The following MYH14 variants were observed in gnomAD, a reference collection of about 807,000 sequenced individuals.
MYH14 encodes myosin-14.
MYH14 carries 123 observed loss-of-function variants against 255.5 expected under a neutral mutation model. The observed-to-expected ratio is 0.48, with a 90% CI of 0.42 to 0.56. The LOEUF (loss-of-function observed/expected upper bound fraction) is 0.56, where lower values mean the gene tolerates loss of function less well. Ranked by LOEUF, MYH14 falls within the 20% of genes least tolerant of loss-of-function variation. The pLI is 0.00. For synonymous variants in MYH14, 1,095 were observed against 1,161.2 expected, an observed-to-expected ratio of 0.94 and a Z score of 1.16; for missense variants, 2,423 against 2,802.3, an observed-to-expected ratio of 0.86 and a Z score of 3.06.
At position 50,280,178 on chromosome 19, in the gene MYH14, C is replaced by G; in HGVS notation, c.4137+37C>G. 1 of 1,561,260 alleles carries G rather than the reference C, an allele frequency of 6.4e-7. No homozygotes were observed. Among genetic ancestry groups the G allele is most frequent in the Non-Finnish European group, 8.7e-7 (1 of 1,153,516 alleles). ...TGCCCTTCGGCTCCACCGTCACCCT[C>G]CCCTCCTTGTCCTCCCAGCCACACC... On this transcript the variant is annotated intron_variant, in intron 31 of 42. Coordinates refer to ENST00000642316, the MANE Select transcript of MYH14 (RefSeq NM_001145809.2). This position sits in a 1 kb window ranked among gnomAD's most constrained non-coding sequence, Gnocchi z 4.8.
chr19:50,278,243 G>T lies in MYH14; in HGVS notation c.3986G>T (p.Gly1329Val), dbSNP rs1233074390. 1.3e-6 allele frequency: 2 copies of T among 1,595,270 alleles called. No homozygotes were observed. The highest frequency in any genetic ancestry group is 2.7e-5 in the African/African-American group (2 of 74,566). The change falls in exon 30 of 43, where the codon GGG becomes GTG. Residue 1329 changes from glycine (G) to valine (V), a missense_variant. By Grantham distance (109) the Gly-to-Val change is moderately radical. Transcript: ENST00000642316. ...LQEVQGRAGD[G>V]ERARAEAAEK... ...GAGGTGCAGGGCCGGGCTGGTGATG[G>T]GGAGAGGGCACGAGCGGAGGCTGCT...
At chr19:50,210,845 C>A in intron 2 of MYH14, 75 bp downstream of exon 2, 1 of 1,519,198 alleles carries the variant, frequency 6.6e-7, no homozygotes. Context: ...CCACCCGGCT[C>A]CCCTGCATTA....
intron 10 of MYH14, among the ~76,000 whole-genome samples, chr19:50,233,162 C>T (rs2033490155): frequency 1.3e-5 from 2 of 151,668 alleles, no homozygotes; most frequent in South Asian, 4.2e-4. Flanking sequence ...GGGTGCTGTG[C>T]CCACCCCCAC....
chr19:50,303,849 T>A (rs2036571964), intron 40 of MYH14, among the ~76,000 whole-genome samples: 1 of 152,184 alleles, frequency 6.6e-6, no homozygotes, highest in Non-Finnish European at 1.5e-5. Context: ...AGTTTCCATC[T>A]CCAGTTGCTG....
intron 39 of MYH14, among the ~76,000 whole-genome samples, chr19:50,298,787 A>G (rs1010580451): frequency 2.6e-5 from 4 of 152,128 alleles, no homozygotes; most frequent in African/African-American, 7.2e-5. Flanking sequence ...AAAATTCACA[A>G]ATAAGACAGA....
At position 50,281,849 on chromosome 19, in the gene MYH14, C is replaced by T. The variant is rs780954534; in HGVS notation, c.4539+7C>T. On this transcript the variant is annotated splice_region_variant and intron_variant, in intron 33 of 42. Coordinates refer to ENST00000642316, the MANE Select transcript of MYH14 (RefSeq NM_001145809.2). ...GCAGCGCAAGTTTGACCAGGTGGGGCACCTCAGTTCACCCAGCCGGGGAAT... is the reference window on the plus strand; with the variant it reads ...GCAGCGCAAGTTTGACCAGGTGGGGTACCTCAGTTCACCCAGCCGGGGAAT... 1 of 1,605,868 alleles carries T rather than the reference C, an allele frequency of 6.2e-7. No homozygotes were observed.
At chr19:50,251,515 ACACAC>A (rs1489698788) in intron 15 of MYH14, among the ~76,000 whole-genome samples, 1 of 21,404 alleles carries the variant, frequency 4.7e-5, no homozygotes, top group African/African-American at 9.8e-5. Flanking sequence ...ATATATATAT[ACACAC>A]TACACACACA....
At chr19:50,213,278 C>T (rs114768401) in intron 2 of MYH14, among the ~76,000 whole-genome samples, 3,167 of 152,224 alleles carry the variant, frequency 0.021, 38 homozygotes, top group Non-Finnish European at 0.024. Flanking sequence ...ATACTCTGAG[C>T]GCTCCCAGCA....
intron 39 of MYH14, among the ~76,000 whole-genome samples, chr19:50,297,897 A>T (rs985198595): frequency 6.6e-6 from 1 of 151,872 alleles, no homozygotes; most frequent in Non-Finnish European, 1.5e-5. Flanking sequence ...CAAAGATCCT[A>T]TTTCCAACTA....
At chr19:50,213,540 A>G (rs981998450) in intron 2 of MYH14, among the ~76,000 whole-genome samples, 3 of 152,174 alleles carry the variant, frequency 2.0e-5, no homozygotes, top group African/African-American at 7.2e-5. Flanking sequence ...GGGGCCTAAG[A>G]AATGAATGTG....
intron 29 of MYH14, among the ~76,000 whole-genome samples, chr19:50,277,242 T>C (rs1410912188): frequency 1.3e-5 from 2 of 151,970 alleles, no homozygotes; most frequent in Non-Finnish European, 2.9e-5. Context: ...GAAAAAGGGA[T>C]CAGAATTCTA....
chr19:50,291,190 T>C, intron 36 of MYH14, 142 bp downstream of exon 36: 1 of 614,548 alleles, frequency 1.6e-6, no homozygotes. Flanking sequence ...TTTATAAACA[T>C]CCATGCCCCA....
chr19:50,222,041 A>G (rs1352823082), intron 3 of MYH14, among the ~76,000 whole-genome samples: 1 of 151,980 alleles, frequency 6.6e-6, no homozygotes, highest in Non-Finnish European at 1.5e-5. Context: ...TGTCCTGGTC[A>G]TTGTAGGATG....
chr19:50,255,615 C>G (rs140411091), intron 17 of MYH14, among the ~76,000 whole-genome samples: 1,763 of 152,228 alleles, frequency 0.012, 18 homozygotes, highest in Non-Finnish European at 0.018. Flanking sequence ...ATTATCAACA[C>G]CCCATTACAC....
At chr19:50,245,402 G>A (rs1473553220) in intron 11 of MYH14, among the ~76,000 whole-genome samples, 4 of 136,848 alleles carry the variant, frequency 2.9e-5, no homozygotes, top group Admixed American at 8.2e-5. Flanking sequence ...CCTGGGCAAC[G>A]GAGCAAGAAT....
intron 40 of MYH14, among the ~76,000 whole-genome samples, chr19:50,304,303 G>C (rs1175051905): frequency 6.6e-6 from 1 of 152,140 alleles, no homozygotes; most frequent in African/African-American, 2.4e-5. Flanking sequence ...AGAGTGTACT[G>C]TTGGGGCCAG....
In MYH14 at chr19:50,230,456, G is replaced by T. The variant is rs757332816; in HGVS notation, c.875-69G>T. The T allele has an allele frequency of 7.3e-5, 101 of 1,377,730 alleles. No homozygotes were observed. Among genetic ancestry groups the T allele is most frequent in the Admixed American group, 1.6e-4 (8 of 50,728 alleles). 85.3% of individuals were successfully genotyped at this position (1,377,730 alleles called of 1,614,324 possible). On this transcript the variant is annotated intron_variant, in intron 8 of 42. Transcript: ENST00000642316. This position sits in a 1 kb window ranked among gnomAD's most constrained non-coding sequence, Gnocchi z 4.7. ...GAAGGGGGCAGCGTGGGCAGGGCAG[G>T]CTCCTGTAGTGGCCTGGCAGCGTCG...
chr19:50,298,841 G>A (rs1034917446), intron 39 of MYH14, among the ~76,000 whole-genome samples: 2 of 152,186 alleles, frequency 1.3e-5, no homozygotes, highest in Non-Finnish European at 2.9e-5. Context: ...CAGCACTTTG[G>A]GAAGCTGAAG....
chr19:50,259,287 GGC>G (rs1296775946), intron 19 of MYH14, 22 bp downstream of exon 19: 1 of 1,555,844 alleles, frequency 6.4e-7, no homozygotes, highest in East Asian at 2.4e-5. Context: ...CGAGGGCCCA[GGC>G]CCGGCGGAGG....
Sources: allele counts gnomAD v4.1 joint callset (sites outside exome capture counted in the v4.1 genomes callset), GRCh38; gene constraint gnomAD v4.1.1; non-coding constraint Gnocchi (gnomAD v3.1); transcripts MANE v1.5; gene names NCBI Gene and HGNC (gene_info 2026-07-23, HGNC 2026-07-21).